CHD7: variants seen among roughly 807,000 people sequenced by gnomAD.
CHD7 encodes the protein chromodomain helicase DNA binding protein 7.
A neutral mutation model predicts 307.3 loss-of-function variants in CHD7; 24 were observed. The ratio of observed to expected loss-of-function variants is 0.08; its 90% CI spans 0.06 to 0.11. CHD7 has a LOEUF of 0.11. Among genes scored for constraint, CHD7 ranks in the 10% least tolerant of loss-of-function variants. CHD7 has a pLI of 1.00. For missense variants in CHD7, 3,106 were observed against 3,727.1 expected (o/e 0.83, Z 4.34); for synonymous variants, 1,363 against 1,349.9 (o/e 1.01, Z -0.21).
intron 2 of CHD7, among the ~76,000 whole-genome samples, chr8:60,753,971 A>G (rs554701268): frequency 2.0e-5 from 3 of 152,310 alleles, no homozygotes; most frequent in South Asian, 2.1e-4. Flanking sequence ...TCAAAGAGCC[A>G]TGTTAGATGC....
Position 60,741,625 on chromosome 8 carries a change from A to G in CHD7, c.193A>G (p.Lys65Glu). 2 of 1,613,782 alleles carry G rather than the reference A, an allele frequency of 1.2e-6. No individual in the cohort carries two copies. The highest frequency in any genetic ancestry group is 1.7e-6 in the Non-Finnish European group (2 of 1,179,768). Residue 65 changes from lysine (K) to glutamate (E), a missense_variant, in exon 2 of 38, where the codon AAG (lysine) becomes GAG (glutamate). Around this residue, in one of 10 missense-constraint regions of CHD7, gnomAD observed 998 missense variants for 1,004.5 expected, o/e 0.99. Transcript: ENST00000423902. ...TCCTTCAACTAATCAAAATCAAACAAAGCTGACACATTTTGATCACTATAA... is the reference window on the plus strand; with the variant it reads ...TCCTTCAACTAATCAAAATCAAACAGAGCTGACACATTTTGATCACTATAA... ...HHPSTNQNQT[K>E]LTHFDHYNQY...
chr8:60,820,942 T>C (rs1347584220), intron 9 of CHD7, among the ~76,000 whole-genome samples: 1 of 152,220 alleles, frequency 6.6e-6, no homozygotes, highest in Non-Finnish European at 1.5e-5. Context: ...ACTAGGTCAG[T>C]GTTCCTTGGT....
At position 60,849,111 on chromosome 8, in the gene CHD7, T is replaced by A; in HGVS notation, c.5361T>A (p.Asp1787Glu). 1 of 1,613,620 alleles carries A rather than the reference T, an allele frequency of 6.2e-7. No individual in the cohort carries two copies. The highest frequency in any genetic ancestry group is 8.5e-7 in the Non-Finnish European group (1 of 1,179,608). Reference sequence around the variant, plus strand: ...CTGAAGTTCCTGCAGATTGGTGGGATAAGGAAGCAGACAAATCCCTCTTAA... The same window carrying A: ...CTGAAGTTCCTGCAGATTGGTGGGAAAAGGAAGCAGACAAATCCCTCTTAA... ...FHAEVPADWW[D>E]KEADKSLLIG... Residue 1787 changes from aspartate to glutamate, a missense_variant, in exon 25 of 38, where the codon GAT becomes GAA. By Grantham distance (45) the Asp-to-Glu change is conservative (BLOSUM62 2). Coordinates refer to ENST00000423902, the MANE Select transcript of CHD7 (RefSeq NM_017780.4).
At chr8:60,860,860 T>C (rs572312592) in intron 34 of CHD7, 44 bp from the exon 35 acceptor site, 1 of 1,419,104 alleles carries the variant, frequency 7.0e-7, no homozygotes, top group African/African-American at 1.4e-5. Context: ...TGTCAGAGGC[T>C]CTCTCTTCGT....
intron 32 of CHD7, among the ~76,000 whole-genome samples, chr8:60,854,728 A>G (rs566271649): frequency 6.6e-6 from 1 of 152,360 alleles, no homozygotes; most frequent in African/African-American, 2.4e-5. Context: ...AGGATGGGAA[A>G]TGTGATGTGA....
At chr8:60,773,998 G>A (rs1335203342) in intron 2 of CHD7, among the ~76,000 whole-genome samples, 1 of 152,122 alleles carries the variant, frequency 6.6e-6, no homozygotes. Flanking sequence ...TGCAGATTAG[G>A]GTTAGGATCT....
intron 28 of CHD7, 90 bp downstream of exon 28, chr8:60,851,409 C>A: frequency 3.2e-6 from 3 of 948,332 alleles, no homozygotes; most frequent in Non-Finnish European, 5.0e-6. Context: ...TTCATGACAG[C>A]AGTGTCTTAA....
chr8:60,823,416 TAGA>T (rs1804134147), intron 12 of CHD7, among the ~76,000 whole-genome samples: 1 of 152,058 alleles, frequency 6.6e-6, no homozygotes, highest in Non-Finnish European at 1.5e-5. Flanking sequence ...GATAGATAGA[TAGA>T]TAGATAGATA....
At chr8:60,795,992 T>C (rs1382478682) in intron 4 of CHD7, among the ~76,000 whole-genome samples, 1 of 152,220 alleles carries the variant, frequency 6.6e-6, no homozygotes, top group Non-Finnish European at 1.5e-5. Context: ...CTCAGGACTT[T>C]GCACCTGTAC....
intron 2 of CHD7, among the ~76,000 whole-genome samples, chr8:60,759,071 A>G (rs11992809): frequency 0.82 from 124,761 of 152,184 alleles, 51,464 homozygotes; most frequent in East Asian, 0.94. Flanking sequence ...TGATTTTGTG[A>G]ATGTCCTGAA....
chr8:60,864,687 ACTAG>A, intron 37 of CHD7: 1 of 278,150 alleles, frequency 3.6e-6, no homozygotes, highest in Non-Finnish European at 6.9e-6. Flanking sequence ...GTTATCAAAA[ACTAG>A]ATCTTACTCA....
chr8:60,779,097 G>A (rs1366219708), intron 2 of CHD7, among the ~76,000 whole-genome samples: 1 of 152,130 alleles, frequency 6.6e-6, no homozygotes, highest in Non-Finnish European at 1.5e-5. Context: ...ACCAGCAAAG[G>A]GCAATAAGTA....
chr8:60,801,648 T>C, intron 6 of CHD7, 55 bp downstream of exon 6: 4 of 1,089,104 alleles, frequency 3.7e-6, no homozygotes, highest in Non-Finnish European at 5.3e-6. Flanking sequence ...TCTTACAGGA[T>C]TGTTGGCTTT....
At chr8:60,804,181 C>A (rs578198537) in intron 6 of CHD7, among the ~76,000 whole-genome samples, 1 of 152,244 alleles carries the variant, frequency 6.6e-6, no homozygotes, top group South Asian at 2.1e-4. Flanking sequence ...GTCTATGATA[C>A]CTAGTTGCAT....
At chr8:60,843,290 C>G (rs1202311671) in intron 21 of CHD7, among the ~76,000 whole-genome samples, 1 of 152,180 alleles carries the variant, frequency 6.6e-6, no homozygotes, top group Non-Finnish European at 1.5e-5. Flanking sequence ...AGACTCACCC[C>G]CTGCGTCCCA....
intron 1 of CHD7, among the ~76,000 whole-genome samples, chr8:60,681,676 G>T (rs1805639107): frequency 6.6e-6 from 1 of 152,188 alleles, no homozygotes; most frequent in Admixed American, 6.5e-5. Flanking sequence ...TTGGTAATCT[G>T]CTGATAAAAG....
At chr8:60,737,712 ATATGCATAGGTACCGT>A (rs1260937848) in intron 1 of CHD7, among the ~76,000 whole-genome samples, 2 of 152,210 alleles carry the variant, frequency 1.3e-5, no homozygotes, top group Non-Finnish European at 2.9e-5. Context: ...TGTCTCCATT[ATATGCATAGGTACCGT>A]TTGCTACATA....
chr8:60,796,631 T>G (rs1812047650), intron 4 of CHD7, among the ~76,000 whole-genome samples: 1 of 152,098 alleles, frequency 6.6e-6, no homozygotes, highest in East Asian at 1.9e-4. Context: ...TTTTTTTTTT[T>G]CCTGCTGCAT....
chr8:60,771,438 C>T (rs1810705614), intron 2 of CHD7, among the ~76,000 whole-genome samples: 1 of 152,136 alleles, frequency 6.6e-6, no homozygotes, highest in Non-Finnish European at 1.5e-5. Flanking sequence ...TTGAGCATAT[C>T]CTTTGAGTGG....
Sources: gnomAD v4.1 joint callset for allele counts (sites outside exome capture counted in the v4.1 genomes callset) on GRCh38, gnomAD v4.1.1 for gene constraint, gnomAD v4.1.1 regional missense constraint, MANE v1.5 for transcripts, NCBI Gene and HGNC (gene_info 2026-07-23, HGNC 2026-07-21) for gene names.